DRC9: variants seen among roughly 807,000 people sequenced by gnomAD.
DRC9 encodes the protein dynein regulatory complex protein 9.
chr3:197,954,856 T>C, the DRC9 span, among the ~76,000 whole-genome samples: 4 of 152,172 alleles, frequency 2.6e-5, no homozygotes, highest in African/African-American at 9.7e-5. Flanking sequence ...ACTGAAGTAA[T>C]TGTTAGAAAG....
the DRC9 span, among the ~76,000 whole-genome samples, chr3:197,909,538 C>G: frequency 6.6e-6 from 1 of 152,184 alleles, no homozygotes; most frequent in Non-Finnish European, 1.5e-5. Context: ...CAACCTAAAT[C>G]TACTGACAGA....
chr3:197,892,856 A>G, the DRC9 span: 1 of 1,470,274 alleles, frequency 6.8e-7, no homozygotes, highest in Non-Finnish European at 9.3e-7. Flanking sequence ...TAAGCAGAAC[A>G]TTCCATAGTG....
the DRC9 span, among the ~76,000 whole-genome samples, chr3:197,946,356 A>G: frequency 6.8e-6 from 1 of 147,894 alleles, no homozygotes; most frequent in South Asian, 2.1e-4. Flanking sequence ...AATGGCGTGA[A>G]CCTGGGAGGC....
chr3:197,936,736 TG>T, the DRC9 span, among the ~76,000 whole-genome samples: 4 of 152,220 alleles, frequency 2.6e-5, no homozygotes, highest in African/African-American at 9.6e-5. Context: ...GTACATTTTG[TG>T]AATATACCCT....
the DRC9 span, chr3:197,953,650 TAAAATGGCAG>T: frequency 2.3e-6 from 1 of 437,806 alleles, no homozygotes; most frequent in Non-Finnish European, 4.5e-6. Flanking sequence ...CTTGGCTATT[TAAAATGGCAG>T]GTAATTCCTC....
the DRC9 span, among the ~76,000 whole-genome samples, chr3:197,918,216 C>T: frequency 6.9e-6 from 1 of 145,620 alleles, no homozygotes; most frequent in South Asian, 2.2e-4. Flanking sequence ...GCTGGGCCTA[C>T]ATGTACGTGC....
the DRC9 span, chr3:197,938,581 G>C: frequency 3.0e-5 from 48 of 1,613,740 alleles, no homozygotes; most frequent in South Asian, 4.7e-4. Context: ...TGTCTCCGTA[G>C]TCATGATGGT....
the DRC9 span, among the ~76,000 whole-genome samples, chr3:197,943,414 T>C: frequency 2.1e-4 from 32 of 152,278 alleles, no homozygotes; most frequent in East Asian, 6.2e-3. Flanking sequence ...AAAGGTGCTA[T>C]TTCCCACGTG....
the DRC9 span, among the ~76,000 whole-genome samples, chr3:197,921,299 G>A: frequency 8.0e-6 from 1 of 124,954 alleles, no homozygotes; most frequent in Non-Finnish European, 1.6e-5. Flanking sequence ...CCCGACTACT[G>A]GTTTTCAGTA....
At chr3:197,902,347 A>G in the DRC9 span, among the ~76,000 whole-genome samples, 1 of 152,194 alleles carries the variant, frequency 6.6e-6, no homozygotes, top group African/African-American at 2.4e-5. Flanking sequence ...CATTCAGGAA[A>G]ACATGACCTC....
the DRC9 span, among the ~76,000 whole-genome samples, chr3:197,900,580 C>G: frequency 4.4e-5 from 6 of 135,580 alleles, no homozygotes; most frequent in South Asian, 2.3e-4. This position sits in a 1 kb window ranked among gnomAD's most constrained non-coding sequence, Gnocchi z 4.7. Context: ...GCAGAGGATA[C>G]CAGCTCAGCC....
chr3:197,951,185 G>T, the DRC9 span: 2 of 1,614,150 alleles, frequency 1.2e-6, no homozygotes, highest in Non-Finnish European at 1.7e-6. Context: ...ATTTTTGCTG[G>T]CTATAAGCGG....
the DRC9 span, chr3:197,945,819 G>A: frequency 1.8e-6 from 1 of 554,076 alleles, no homozygotes; most frequent in Non-Finnish European, 3.2e-6. Flanking sequence ...TGTGCGGAGT[G>A]GAGCAGTCCC....
chr3:197,950,752 T>C, the DRC9 span: 1 of 616,976 alleles, frequency 1.6e-6, no homozygotes, highest in South Asian at 2.0e-5. Context: ...TACCAGCTGT[T>C]CTCTGAGGTT....
chr3:197,912,536 C>A, the DRC9 span: 1 of 694,044 alleles, frequency 1.4e-6, no homozygotes, highest in East Asian at 2.5e-5. Flanking sequence ...GATGCATAAC[C>A]CTGAAAGAAA....
the DRC9 span, among the ~76,000 whole-genome samples, chr3:197,922,509 C>T: frequency 1.3e-5 from 2 of 152,072 alleles, no homozygotes; most frequent in African/African-American, 4.8e-5. Context: ...AGTTCAAGAC[C>T]AGCCTGGCCA....
At chr3:197,941,378 T>C in the DRC9 span, among the ~76,000 whole-genome samples, 10 of 33,870 alleles carry the variant, frequency 3.0e-4, no homozygotes, top group South Asian at 1.9e-3. Context: ...TTCCTCCCTC[T>C]CTCCCCTCCC....
chr3:197,954,085 A>G, the DRC9 span: 1 of 1,614,106 alleles, frequency 6.2e-7, no homozygotes, highest in Non-Finnish European at 8.5e-7. Flanking sequence ...AAACAGTGGC[A>G]TGGTTCGTGC....
chr3:197,922,638 G>A, the DRC9 span, among the ~76,000 whole-genome samples: 4 of 151,942 alleles, frequency 2.6e-5, no homozygotes, highest in African/African-American at 4.8e-5. Flanking sequence ...CTCGAGAGAC[G>A]GAGGTCGCAG....
Sources: allele counts gnomAD v4.1 joint callset (sites outside exome capture counted in the v4.1 genomes callset), GRCh38; gene constraint gnomAD v4.1.1; non-coding constraint Gnocchi (gnomAD v3.1); transcripts MANE v1.5; gene names NCBI Gene and HGNC (gene_info 2026-07-23, HGNC 2026-07-21).